Variants in UST observed in about 807,000 individuals in gnomAD.
UST encodes the protein uronyl 2-sulfotransferase.
A neutral mutation model predicts 45.6 loss-of-function variants in UST; 21 were observed. The observed-to-expected ratio is 0.46, with a 90% CI of 0.33 to 0.66. The LOEUF is 0.66. Ranked by LOEUF, UST falls within the 30% of genes least tolerant of loss-of-function variation. The pLI is 0.02. For synonymous variants in UST, 215 were observed against 200.6 expected, an observed-to-expected ratio of 1.07 and a Z score of -0.61; for missense variants, 463 against 512.4, an observed-to-expected ratio of 0.90 and a Z score of 0.93.
rs7752857 is a variant in UST, at chr6:148,922,142, T to C, written c.292-19137T>C. On this transcript the variant is annotated intron_variant, in intron 2 of 7. Transcript: ENST00000367463. ...CTCCCTTTTAAAGTGTACAATTCAG[T>C]GGTTTTTAGTATATTCACAAAATTT... 1.0e-2 allele frequency among the ~76,000 whole-genome samples: 1,519 copies of C among 152,322 alleles called. 26 individuals carry two copies. Among genetic ancestry groups the C allele is most frequent in the African/African-American group, 0.032 (1,339 of 41,560 alleles).
At chr6:148,797,203 G>A (rs916643620) in intron 1 of UST, among the ~76,000 whole-genome samples, 10 of 152,112 alleles carry the variant, frequency 6.6e-5, no homozygotes, top group African/African-American at 2.4e-4. Context: ...CTTGAACCCA[G>A]GAGTTCGAGG....
intron 3 of UST, among the ~76,000 whole-genome samples, chr6:148,946,813 CAAAAAAAAAA>C (rs60990121): frequency 5.3e-5 from 3 of 56,824 alleles, no homozygotes; most frequent in African/African-American, 2.0e-4. Flanking sequence ...GACTCCATCC[CAAAAAAAAAA>C]AAAAAAAAAA....
chr6:149,029,773 T>C (rs1438489892), intron 7 of UST, among the ~76,000 whole-genome samples: 1 of 152,030 alleles, frequency 6.6e-6, no homozygotes, highest in Non-Finnish European at 1.5e-5. Flanking sequence ...TCCAATTTGC[T>C]ATTGGTTCAT....
chr6:148,872,167 G>A (rs73778929), intron 1 of UST, among the ~76,000 whole-genome samples: 19,054 of 152,124 alleles, frequency 0.13, 1,318 homozygotes, highest in African/African-American at 0.14. Context: ...CCCTTTCAAA[G>A]ACAACACTCT....
intron 1 of UST, among the ~76,000 whole-genome samples, chr6:148,857,639 A>T (rs975433448): frequency 6.6e-6 from 1 of 151,960 alleles, no homozygotes; most frequent in Non-Finnish European, 1.5e-5. Context: ...CATGGTGAAG[A>T]TTCCAGGTGG....
intron 7 of UST, among the ~76,000 whole-genome samples, chr6:149,048,921 G>C (rs1776433525): frequency 6.6e-6 from 1 of 152,190 alleles, no homozygotes; most frequent in Non-Finnish European, 1.5e-5. Flanking sequence ...CTCCTAGAGG[G>C]AGAGCACATT....
intron 2 of UST, among the ~76,000 whole-genome samples, chr6:148,901,558 T>C (rs927014472): frequency 2.0e-4 from 30 of 149,714 alleles, no homozygotes; most frequent in Non-Finnish European, 4.2e-4. Flanking sequence ...CGTGTCACTT[T>C]TTTTTTTTTT....
chr6:149,010,895 CAAA>C (rs1172538648), intron 5 of UST, among the ~76,000 whole-genome samples: 3 of 65,620 alleles, frequency 4.6e-5, no homozygotes, highest in Admixed American at 1.8e-4. Flanking sequence ...CCGTCTCAAC[CAAA>C]AAAAAAAAAA....
chr6:148,809,585 G>A (rs1382232713), intron 1 of UST, among the ~76,000 whole-genome samples: 3 of 152,190 alleles, frequency 2.0e-5, no homozygotes, highest in Non-Finnish European at 4.4e-5. Context: ...AACAGAACTG[G>A]GAAGGGTATT....
At chr6:148,917,500 G>A (rs192737981) in intron 2 of UST, among the ~76,000 whole-genome samples, 3 of 152,340 alleles carry the variant, frequency 2.0e-5, no homozygotes, top group Admixed American at 6.5e-5. Flanking sequence ...GAAGAATTAC[G>A]TGGCGTGCTG....
intron 1 of UST, among the ~76,000 whole-genome samples, chr6:148,766,963 A>G (rs1361263670): frequency 2.6e-5 from 4 of 152,138 alleles, no homozygotes; most frequent in Non-Finnish European, 5.9e-5. Flanking sequence ...CAGCTTCTCT[A>G]CTCTGGCATC....
chr6:148,921,633 G>A (rs1779708509), intron 2 of UST, among the ~76,000 whole-genome samples: 1 of 152,128 alleles, frequency 6.6e-6, no homozygotes, highest in Non-Finnish European at 1.5e-5. Flanking sequence ...CACATCCCTG[G>A]GAGGAGAGAC....
At chr6:148,828,264 A>G (rs1348337376) in intron 1 of UST, among the ~76,000 whole-genome samples, 1 of 126,090 alleles carries the variant, frequency 7.9e-6, no homozygotes, top group East Asian at 2.0e-4. Flanking sequence ...TTTATTTACA[A>G]AGAACACTAT....
In UST at chr6:148,934,176, C is replaced by G. The variant is rs1779975614; in HGVS notation, c.292-7103C>G. ...CTCAAGGGTGTGAAGTGACTGGCTT[C>G]TAGCACCACAGTGTCCTAGGAACTT... On this transcript the variant is annotated intron_variant, in intron 2 of 7. Coordinates refer to ENST00000367463, the MANE Select transcript of UST (RefSeq NM_005715.3). The surrounding 1 kb of genome is among the most constrained non-coding windows in gnomAD (Gnocchi z 4.1). Among the ~76,000 whole-genome samples the G allele has an allele frequency of 6.6e-6, 1 of 152,174 alleles. No individual in the cohort carries two copies. The highest frequency in any genetic ancestry group is 1.5e-5 in the Non-Finnish European group (1 of 68,022).
intron 1 of UST, among the ~76,000 whole-genome samples, chr6:148,789,443 TCTCTCTCTCTCACACACACA>T (rs1444063836): frequency 7.7e-6 from 1 of 130,454 alleles, no homozygotes; most frequent in Non-Finnish European, 1.6e-5. Flanking sequence ...TCTCTCTCTC[TCTCTCTCTCTCACACACACA>T]CACACACACA....
chr6:148,834,223 C>T (rs1777744034), intron 1 of UST, among the ~76,000 whole-genome samples: 1 of 152,190 alleles, frequency 6.6e-6, no homozygotes, highest in Non-Finnish European at 1.5e-5. Flanking sequence ...TAAATAACAT[C>T]CAATGTCAAA....
At chr6:149,064,589 C>A (rs1776705361) in intron 7 of UST, among the ~76,000 whole-genome samples, 1 of 152,202 alleles carries the variant, frequency 6.6e-6, no homozygotes, top group Admixed American at 6.5e-5. Flanking sequence ...ATATTGGGCA[C>A]ACCAGTGAGG....
In UST at chr6:148,964,506, A is replaced by G. The variant is rs756485970; in HGVS notation, c.624A>G (p.Arg208=). 3 of 1,613,926 alleles carry G rather than the reference A, an allele frequency of 1.9e-6. No individual in the cohort carries two copies. The highest frequency in any genetic ancestry group is 2.5e-6 in the Non-Finnish European group (3 of 1,180,008). Residue 208 remains arginine, a synonymous_variant, in exon 5 of 8, where the codon AGA becomes AGG. Transcript: ENST00000367463. The part of the protein sequence containing the change: ...NYFFRRFGDW[R]GEQNHMIRTP... ...TTTTCCGTCGCTTTGGAGACTGGAG[A>G]GGGGAACAAAATCACATGATCCGCA...
intron 5 of UST, among the ~76,000 whole-genome samples, chr6:148,993,516 T>C (rs115782071): frequency 3.0e-3 from 450 of 152,336 alleles, no homozygotes; most frequent in African/African-American, 0.01. Flanking sequence ...ATTTAGAGAC[T>C]TGTGTGACTT....
Sources: allele counts gnomAD v4.1 joint callset (sites outside exome capture counted in the v4.1 genomes callset), GRCh38; gene constraint gnomAD v4.1.1; non-coding constraint Gnocchi (gnomAD v3.1); transcripts MANE v1.5; gene names NCBI Gene and HGNC (gene_info 2026-07-23, HGNC 2026-07-21).